Variants in VTI1A observed in about 807,000 individuals in gnomAD.
VTI1A encodes the protein vesicle transport through interaction with t-SNAREs homolog 1A.
Under a neutral mutation model 34.9 loss-of-function variants are expected in VTI1A, and 22 were observed. That is an observed-to-expected ratio of 0.63 (90% CI 0.45 to 0.90). The LOEUF is 0.90. Ranked by LOEUF, VTI1A falls within the 40% of genes least tolerant of loss-of-function variation. The pLI is 0.00. For synonymous variants in VTI1A, 87 were observed against 97.3 expected (o/e 0.89, Z 0.62); for missense variants, 268 against 275.6 (o/e 0.97, Z 0.20).
chr10:112,737,994 C>A, intron 7 of VTI1A: 4 of 616,126 alleles, frequency 6.5e-6, no homozygotes, highest in Non-Finnish European at 8.1e-6. Context: ...GTCCAGAGAT[C>A]AAGATGAGTG....
At chr10:112,696,094 TTA>T (rs140889088) in intron 7 of VTI1A, among the ~76,000 whole-genome samples, 144 of 144,656 alleles carry the variant, frequency 1.0e-3, no homozygotes, top group Non-Finnish European at 1.0e-3. Context: ...GAGAGAATGA[TTA>T]TATATATATA....
intron 5 of VTI1A, among the ~76,000 whole-genome samples, chr10:112,613,997 A>G (rs1845418464): frequency 6.6e-6 from 1 of 152,062 alleles, no homozygotes; most frequent in African/African-American, 2.4e-5. Flanking sequence ...AGCAGTCTCT[A>G]GAAATCCATG....
At chr10:112,493,909 T>G (rs1311637048) in intron 3 of VTI1A, among the ~76,000 whole-genome samples, 1 of 152,224 alleles carries the variant, frequency 6.6e-6, no homozygotes, top group Non-Finnish European at 1.5e-5. Flanking sequence ...CCAGGGATAC[T>G]GGTCTGGAGT....
At chr10:112,621,715 C>A (rs934770207) in intron 5 of VTI1A, among the ~76,000 whole-genome samples, 4 of 152,166 alleles carry the variant, frequency 2.6e-5, no homozygotes, top group Non-Finnish European at 5.9e-5. Flanking sequence ...TGTACTTCTA[C>A]CTTGGCTTTT....
chr10:112,548,276 G>T (rs1305012327), intron 5 of VTI1A, among the ~76,000 whole-genome samples: 2 of 151,988 alleles, frequency 1.3e-5, no homozygotes, highest in East Asian at 3.9e-4. Context: ...ATCTGTTGAG[G>T]CAGTTTTTAT....
At chr10:112,597,491 T>C (rs1298051500) in intron 5 of VTI1A, among the ~76,000 whole-genome samples, 2 of 152,160 alleles carry the variant, frequency 1.3e-5, no homozygotes, top group Non-Finnish European at 2.9e-5. Context: ...GAGCTGGGAT[T>C]ACTGGCGTGA....
At chr10:112,618,489 T>TTATATATATATATATA (rs1209916722) in intron 5 of VTI1A, among the ~76,000 whole-genome samples, 2 of 74,374 alleles carry the variant, frequency 2.7e-5, no homozygotes, top group Non-Finnish European at 4.3e-5. Flanking sequence ...AATGATTATA[T>TTATATATATATATATA]TATATATATA....
chr10:112,458,037 G>C (rs1847599266), intron 1 of VTI1A, among the ~76,000 whole-genome samples: 2 of 152,186 alleles, frequency 1.3e-5, no homozygotes, highest in Admixed American at 6.5e-5. Flanking sequence ...TGGATGGGAA[G>C]ATGAGGAAGG....
intron 7 of VTI1A, among the ~76,000 whole-genome samples, chr10:112,768,181 G>T (rs908687434): frequency 3.9e-5 from 6 of 152,212 alleles, no homozygotes; most frequent in Non-Finnish European, 8.8e-5. Flanking sequence ...AAAACAAATT[G>T]CATGACGAGT....
At position 112,527,915 on chromosome 10, in the gene VTI1A, A is replaced by G. The variant is rs559581305; in HGVS notation, c.342+751A>G. Among the ~76,000 whole-genome samples, 11 of 152,226 alleles carry G rather than the reference A, an allele frequency of 7.2e-5. No individual in the cohort carries two copies. The South Asian group carries it at 1.7e-3, about 23-fold the overall frequency. On this transcript the variant is annotated intron_variant, in intron 4 of 7. Transcript: ENST00000393077. ...TTAATACTACAGACTTCATTAATTC[A>G]TGTAGATACTATATACAACTTTAAA...
At chr10:112,475,669 A>G (rs1238650648) in intron 3 of VTI1A, among the ~76,000 whole-genome samples, 2 of 152,330 alleles carry the variant, frequency 1.3e-5, no homozygotes, top group Admixed American at 6.5e-5. Flanking sequence ...TTAAATTATT[A>G]TCAACTTTGT....
intron 7 of VTI1A, among the ~76,000 whole-genome samples, chr10:112,704,375 A>G (rs552823087): frequency 2.0e-5 from 3 of 151,944 alleles, no homozygotes; most frequent in Admixed American, 2.0e-4. Flanking sequence ...CTTAGATAAC[A>G]ATTATATATA....
chr10:112,694,392 G>A (rs1170605441), intron 7 of VTI1A, among the ~76,000 whole-genome samples: 2 of 151,798 alleles, frequency 1.3e-5, no homozygotes, highest in Admixed American at 1.3e-4. Context: ...ATGGGTGGAT[G>A]GATGGATGGA....
intron 3 of VTI1A, among the ~76,000 whole-genome samples, chr10:112,480,918 A>G (rs867340215): frequency 6.6e-6 from 1 of 152,198 alleles, no homozygotes; most frequent in Non-Finnish European, 1.5e-5. Context: ...GTGATCCTCT[A>G]TGCAGCAGAG....
chr10:112,772,579 C>A (rs534900348), intron 7 of VTI1A, among the ~76,000 whole-genome samples: 2 of 152,240 alleles, frequency 1.3e-5, no homozygotes, highest in East Asian at 3.9e-4. Flanking sequence ...TTGTTGCTTG[C>A]GCTTTTGGTG....
At chr10:112,596,368 C>G (rs1589953476) in intron 5 of VTI1A, among the ~76,000 whole-genome samples, 1 of 151,968 alleles carries the variant, frequency 6.6e-6, no homozygotes, top group South Asian at 2.1e-4. Context: ...TTTATTTTAC[C>G]AAATATTCTG....
At chr10:112,667,621 G>A (rs1590047439) in intron 5 of VTI1A, among the ~76,000 whole-genome samples, 1 of 152,170 alleles carries the variant, frequency 6.6e-6, no homozygotes, top group African/African-American at 2.4e-5. Context: ...TACTTGAGAA[G>A]AAATGCACCT....
At chr10:112,702,721 G>A (rs1849053928) in intron 7 of VTI1A, among the ~76,000 whole-genome samples, 1 of 152,222 alleles carries the variant, frequency 6.6e-6, no homozygotes, top group Admixed American at 6.5e-5. Flanking sequence ...AAGTAGCTGG[G>A]ATTACAGGCA....
intron 5 of VTI1A, among the ~76,000 whole-genome samples, chr10:112,571,783 G>C (rs890368962): frequency 6.6e-6 from 1 of 152,086 alleles, no homozygotes; most frequent in Non-Finnish European, 1.5e-5. Flanking sequence ...TGGTGTATAC[G>C]TACACTGTGG....
Sources: gnomAD v4.1 joint callset for allele counts (sites outside exome capture counted in the v4.1 genomes callset) on GRCh38, gnomAD v4.1.1 for gene constraint, MANE v1.5 for transcripts, NCBI Gene and HGNC (gene_info 2026-07-23, HGNC 2026-07-21) for gene names.